SNAP91: variants seen among roughly 807,000 people sequenced by gnomAD.
The protein encoded by SNAP91 is synaptosome associated protein 91.
In SNAP91, 27 loss-of-function variants were observed where a neutral mutation model predicts 100.3. The ratio of observed to expected loss-of-function variants is 0.27; its 90% CI spans 0.20 to 0.37. The LOEUF (loss-of-function observed/expected upper bound fraction) is 0.37. Among genes scored for constraint, SNAP91 ranks in the 10% least tolerant of loss-of-function variants. The probability of loss-of-function intolerance (pLI) is 1.00; values close to 1 mark genes in which losing one functional copy is unlikely to be tolerated. For synonymous variants in SNAP91, 404 were observed against 398.6 expected (o/e 1.01, Z -0.16); for missense variants, 986 against 1,123.7 (o/e 0.88, Z 1.75).
chr6:83,554,044 T>A lies in SNAP91; in HGVS notation c.*252A>T, dbSNP rs766744982. On this transcript the variant is annotated 3_prime_UTR_variant, in exon 30 of 30. Transcript: ENST00000369694. The stretch of plus-strand genomic sequence containing the variant: ...CACTAACGGCATCAGTAACATCCAT[T>A]CATTGTTTACATCGTACAATACACA... 1.3e-5 allele frequency: 2 copies of A among 155,212 alleles called. No homozygotes were observed. Among genetic ancestry groups the A allele is most frequent in the African/African-American group, 2.4e-5 (1 of 41,512 alleles). 9.6% of individuals were successfully genotyped at this position (155,212 alleles called of 1,614,324 possible).
chr6:83,636,989 G>C (rs1049759993), intron 8 of SNAP91, among the ~76,000 whole-genome samples: 2 of 152,182 alleles, frequency 1.3e-5, no homozygotes, highest in Admixed American at 6.5e-5. Context: ...CAGAGGTGTT[G>C]CACGGTGAAA....
chr6:83,570,555 G>A (rs540827191), intron 26 of SNAP91, among the ~76,000 whole-genome samples: 3 of 136,100 alleles, frequency 2.2e-5, no homozygotes, highest in African/African-American at 5.9e-5. Flanking sequence ...TTACGGGGTG[G>A]CGGGGGGGGA....
intron 7 of SNAP91, among the ~76,000 whole-genome samples, chr6:83,655,975 A>AGGGG (rs1307548028): frequency 6.6e-6 from 1 of 152,226 alleles, no homozygotes; most frequent in Non-Finnish European, 1.5e-5. Context: ...ATCCCCACAA[A>AGGGG]GGGATGGCCT....
intron 2 of SNAP91, among the ~76,000 whole-genome samples, chr6:83,670,347 G>C (rs910599807): frequency 1.3e-5 from 2 of 148,930 alleles, no homozygotes; most frequent in South Asian, 4.2e-4. Flanking sequence ...TTTATGTCAC[G>C]AGCTTTTCAT....
chr6:83,601,859 C>T (rs2095262805), intron 14 of SNAP91, among the ~76,000 whole-genome samples: 1 of 152,146 alleles, frequency 6.6e-6, no homozygotes, highest in South Asian at 2.1e-4. Flanking sequence ...GCAAATGGGT[C>T]ACAAAACTAC....
chr6:83,653,516 G>A (rs1489028498), intron 7 of SNAP91, among the ~76,000 whole-genome samples: 3 of 151,914 alleles, frequency 2.0e-5, no homozygotes, highest in Non-Finnish European at 2.9e-5. Flanking sequence ...ATCTGTTCTT[G>A]CATGCTGCCT....
intron 22 of SNAP91, among the ~76,000 whole-genome samples, chr6:83,582,964 A>C (rs1830531021): frequency 6.6e-6 from 1 of 152,154 alleles, no homozygotes; most frequent in Non-Finnish European, 1.5e-5. Flanking sequence ...TGATCTTTCC[A>C]AGTGGAAAAT....
intron 7 of SNAP91, among the ~76,000 whole-genome samples, chr6:83,646,139 G>T (rs941543759): frequency 2.0e-5 from 3 of 152,110 alleles, no homozygotes; most frequent in African/African-American, 7.2e-5. Flanking sequence ...ATCAGATGTG[G>T]TTTTTGCAAA....
At chr6:83,669,177 T>G (rs1200359677) in intron 2 of SNAP91, among the ~76,000 whole-genome samples, 1 of 152,058 alleles carries the variant, frequency 6.6e-6, no homozygotes, top group Non-Finnish European at 1.5e-5. Context: ...TCTGTATACC[T>G]AGAAAGAGAA....
chr6:83,626,161 T>C (rs1293816744), intron 8 of SNAP91, among the ~76,000 whole-genome samples: 1 of 151,994 alleles, frequency 6.6e-6, no homozygotes, highest in African/African-American at 2.4e-5. Flanking sequence ...CAAAGATCAG[T>C]GGTTTGTAGG....
chr6:83,584,064 G>A (rs1453901171), intron 22 of SNAP91, among the ~76,000 whole-genome samples: 1 of 152,178 alleles, frequency 6.6e-6, no homozygotes, highest in Non-Finnish European at 1.5e-5. Flanking sequence ...GCCAAGGTAG[G>A]TTAAAAGTAA....
intron 2 of SNAP91, among the ~76,000 whole-genome samples, chr6:83,706,681 G>T (rs1023017657): frequency 1.3e-5 from 2 of 152,182 alleles, no homozygotes; most frequent in Admixed American, 6.5e-5. Flanking sequence ...AAAGGAAATA[G>T]CAGGAAAAAG....
chr6:83,647,327 G>GT (rs1301175278), intron 7 of SNAP91, among the ~76,000 whole-genome samples: 1 of 152,098 alleles, frequency 6.6e-6, no homozygotes, highest in Non-Finnish European at 1.5e-5. Context: ...TAGCTATTAA[G>GT]TTTTTTGTAC....
rs1562540509 is a variant in SNAP91, at chr6:83,658,954, G to A, written c.546+45C>T. ...ACCTGTAGCCCATCTTCAAATGAAAGACAACATTGATTGTGTATGAAACAT... is the reference window on the plus strand; with the variant it reads ...ACCTGTAGCCCATCTTCAAATGAAAAACAACATTGATTGTGTATGAAACAT... On this transcript the variant is annotated intron_variant, in intron 6 of 29. Coordinates refer to ENST00000369694, the MANE Select transcript of SNAP91 (RefSeq NM_001242792.2). The A allele has an allele frequency of 4.2e-6, 6 of 1,413,168 alleles. No homozygotes were observed. The Admixed American group carries it at 1.2e-4, about 28-fold the overall frequency. 87.5% of individuals were successfully genotyped at this position (1,413,168 alleles called of 1,614,324 possible). A position where few individuals can be genotyped will look rare whatever the true frequency, so the allele number is the denominator to read the frequency against.
intron 7 of SNAP91, among the ~76,000 whole-genome samples, chr6:83,645,741 C>T (rs961601116): frequency 6.6e-6 from 1 of 152,044 alleles, no homozygotes; most frequent in Non-Finnish European, 1.5e-5. Context: ...ATCCCAGCTA[C>T]TCGGGAGGCT....
chr6:83,636,163 AG>A (rs1354829850), intron 8 of SNAP91, among the ~76,000 whole-genome samples: 1 of 152,084 alleles, frequency 6.6e-6, no homozygotes, highest in Non-Finnish European at 1.5e-5. Flanking sequence ...CATCTTGTAT[AG>A]TATCTTGTAG....
Position 83,621,137 on chromosome 6 carries a change from C to T in SNAP91, c.807+2164G>A, listed in dbSNP as rs1222616610. ...CCACCTTCTACCCTCCAGTAGGCCT[C>T]GGTGTTTGTTGTTCACTTCTGTGTG... On this transcript the variant is annotated intron_variant, in intron 9 of 29. Transcript: ENST00000369694. Among the ~76,000 whole-genome samples, 6 of 152,190 alleles carry T rather than the reference C, an allele frequency of 3.9e-5. 1 individual carries two copies. In the South Asian group the frequency reaches 6.2e-4, roughly 16 times the overall value.
intron 11 of SNAP91, 111 bp downstream of exon 11, chr6:83,614,746 G>GGACA: frequency 1.3e-6 from 1 of 755,994 alleles, no homozygotes; most frequent in South Asian, 1.9e-5. Context: ...TGTGTAAAAG[G>GGACA]GACAGAAATC....
rs1825404910 is a variant in SNAP91, at chr6:83,579,787, T to G, written c.2299+663A>C. ...TTTAGATCATCACGTAGTTTACCCCTTTCCCTTCAAAATCTTTGCTCAAAT... is the reference window on the plus strand; with the variant it reads ...TTTAGATCATCACGTAGTTTACCCCGTTCCCTTCAAAATCTTTGCTCAAAT... On this transcript the variant is annotated intron_variant, in intron 24 of 29. Coordinates refer to ENST00000369694, the MANE Select transcript of SNAP91 (RefSeq NM_001242792.2). Among the ~76,000 whole-genome samples the G allele has an allele frequency of 7.9e-5, 12 of 152,182 alleles. No individual in the cohort carries two copies. In the South Asian group the frequency reaches 2.5e-3, roughly 32 times the overall value.
Sources: gnomAD v4.1 joint callset for allele counts (sites outside exome capture counted in the v4.1 genomes callset) on GRCh38, gnomAD v4.1.1 for gene constraint, MANE v1.5 for transcripts, NCBI Gene and HGNC (gene_info 2026-07-23, HGNC 2026-07-21) for gene names.